Variants in C21orf91 observed in about 807,000 individuals in gnomAD.
C21orf91 encodes the protein chromosome 21 open reading frame 91.
In C21orf91, 26 loss-of-function variants were observed where a neutral mutation model predicts 32.9. The ratio of observed to expected loss-of-function variants is 0.79; its 90% CI spans 0.58 to 1.10. The LOEUF is 1.10. Ranked by LOEUF, C21orf91 falls within the 50% of genes least tolerant of loss-of-function variation. The pLI is 0.00. For synonymous variants in C21orf91, 126 were observed against 120.4 expected, an observed-to-expected ratio of 1.05 and a Z score of -0.31; for missense variants, 310 against 341.3, an observed-to-expected ratio of 0.91 and a Z score of 0.72.
chr21:17,803,304 T>G (rs1211219903), intron 2 of C21orf91, among the ~76,000 whole-genome samples: 4 of 152,326 alleles, frequency 2.6e-5, no homozygotes, highest in Non-Finnish European at 2.9e-5. Flanking sequence ...GTGGACTGCC[T>G]GACCCCAGGA....
chr21:17,793,630 C>T (rs1259164950), intron 4 of C21orf91, 49 bp from the exon 5 acceptor site: 13 of 1,242,314 alleles, frequency 1.0e-5, no homozygotes, highest in Non-Finnish European at 1.4e-5. Context: ...AAAGCCGGTG[C>T]TATGATTTAT....
chr21:17,806,871 C>CA (rs1170122507), intron 2 of C21orf91, among the ~76,000 whole-genome samples: 77 of 142,810 alleles, frequency 5.4e-4, no homozygotes, highest in African/African-American at 1.5e-3. Context: ...GCACTCCATC[C>CA]AAAAAAAAAA....
At chr21:17,808,597 C>T (rs2036669663) in intron 2 of C21orf91, among the ~76,000 whole-genome samples, 1 of 152,166 alleles carries the variant, frequency 6.6e-6, no homozygotes, top group South Asian at 2.1e-4. Flanking sequence ...GGCACATAAC[C>T]CCAGTTTGTG....
At chr21:17,804,130 C>A (rs2146254964) in intron 2 of C21orf91, among the ~76,000 whole-genome samples, 1 of 152,248 alleles carries the variant, frequency 6.6e-6, no homozygotes, top group South Asian at 2.1e-4. Flanking sequence ...ATTTTGTGCT[C>A]AATTCGACTA....
At position 17,792,725 on chromosome 21, in the gene C21orf91, T is replaced by C. The variant is rs1393142547; in HGVS notation, c.*690A>G. 6.6e-6 allele frequency: 1 copy of C among 152,574 alleles called. No individual in the cohort carries two copies. The highest frequency in any genetic ancestry group is 1.5e-5 in the Non-Finnish European group (1 of 67,994). The allele number at this position is 152,574 out of a possible 1,614,324, so 9.5% of individuals were successfully genotyped here. On this transcript the variant is annotated 3_prime_UTR_variant, in exon 5 of 5. Coordinates refer to ENST00000284881, the MANE Select transcript of C21orf91 (RefSeq NM_001100420.2). ...TTTTGTTAGAAAACAAAATAATGTA[T>C]TGTATTTACCTGAATACTGCTTTAA...
At chr21:17,814,495 T>C (rs766406975) in intron 2 of C21orf91, among the ~76,000 whole-genome samples, 30 of 152,160 alleles carry the variant, frequency 2.0e-4, no homozygotes, top group Non-Finnish European at 4.1e-4. Context: ...GGGTAATTTA[T>C]AAAGAAAAGG....
rs544882053 is a variant in C21orf91, at chr21:17,801,492, G to A, written c.128-4374C>T. On this transcript the variant is annotated intron_variant, in intron 2 of 4. Transcript: ENST00000284881. ...TCACCGTGTTAGCCAGGATGGTCTC[G>A]ATCTCCTGACCTTGTGATCCGCCCG... Among the ~76,000 whole-genome samples, 7 of 152,086 alleles carry A rather than the reference G, an allele frequency of 4.6e-5. No individual in the cohort carries two copies. The East Asian group carries it at 1.4e-3, about 29-fold the overall frequency.
chr21:17,810,259 C>A (rs938343901), intron 2 of C21orf91, among the ~76,000 whole-genome samples: 4 of 152,170 alleles, frequency 2.6e-5, no homozygotes, highest in Non-Finnish European at 5.9e-5. Context: ...AAATCACCTT[C>A]CAACCTCTAA....
intron 2 of C21orf91, among the ~76,000 whole-genome samples, chr21:17,810,257 T>A (rs1272761295): frequency 6.6e-6 from 1 of 152,220 alleles, no homozygotes; most frequent in Non-Finnish European, 1.5e-5. Flanking sequence ...CAAAATCACC[T>A]TCCAACCTCT....
chr21:17,817,986 CT>C, intron 2 of C21orf91: 4 of 387,148 alleles, frequency 1.0e-5, no homozygotes, highest in Non-Finnish European at 1.8e-5. Context: ...TTGCAGGGGT[CT>C]TTAAAAAAAA....
intron 2 of C21orf91, among the ~76,000 whole-genome samples, chr21:17,811,756 A>C (rs1223684634): frequency 6.6e-6 from 1 of 152,166 alleles, no homozygotes; most frequent in Non-Finnish European, 1.5e-5. Context: ...TATGACTCTG[A>C]AACAGAAAGT....
chr21:17,800,637 C>T (rs1291494255), intron 2 of C21orf91, among the ~76,000 whole-genome samples: 1 of 152,168 alleles, frequency 6.6e-6, no homozygotes, highest in Non-Finnish European at 1.5e-5. Context: ...AATCTAAATG[C>T]AACACAATCA....
intron 2 of C21orf91, among the ~76,000 whole-genome samples, chr21:17,802,170 T>G (rs2062566260): frequency 6.6e-6 from 1 of 152,234 alleles, no homozygotes; most frequent in Admixed American, 6.5e-5. Flanking sequence ...TCATTACTCT[T>G]ATTTTTTTGA....
intron 2 of C21orf91, among the ~76,000 whole-genome samples, chr21:17,799,444 C>T (rs2824497): frequency 0.022 from 3,277 of 152,276 alleles, 102 homozygotes; most frequent in African/African-American, 0.068. Context: ...CAACTAACTG[C>T]TCAAGGAAGA....
rs1378122206 is a variant in C21orf91, at chr21:17,789,388, G to C, written c.*4027C>G. ...TTCTAGATGCGTCTGAAAGAAACAA[G>C]GTACACACACTTACTAAAATTCCCC... On this transcript the variant is annotated 3_prime_UTR_variant, in exon 5 of 5. Coordinates refer to ENST00000284881, the MANE Select transcript of C21orf91 (RefSeq NM_001100420.2). 6.6e-6 allele frequency: 1 copy of C among 151,964 alleles called. No individual in the cohort carries two copies. Among genetic ancestry groups the C allele is most frequent in the East Asian group, 1.9e-4 (1 of 5,196 alleles). 9.4% of individuals were successfully genotyped at this position (151,964 alleles called of 1,614,324 possible).
intron 3 of C21orf91, among the ~76,000 whole-genome samples, chr21:17,795,615 C>T (rs2062511599): frequency 6.6e-6 from 1 of 152,056 alleles, no homozygotes. Context: ...GAGCTGGAAT[C>T]ATAGGCGTGT....
chr21:17,795,273 G>A lies in C21orf91; in HGVS notation c.665-3C>T, dbSNP rs2062509343. 1 of 1,597,676 alleles carries A rather than the reference G, an allele frequency of 6.3e-7. No homozygotes were observed. Among genetic ancestry groups the A allele is most frequent in the Non-Finnish European group, 8.6e-7 (1 of 1,165,712 alleles). On this transcript the variant is annotated splice_region_variant and splice_polypyrimidine_tract_variant and intron_variant, in intron 3 of 4. Transcript: ENST00000284881. ...CTCACCAAGAGTCATCGAATTCACT[G>A]AAACATGAAAATGTATTCACTATTA...
chr21:17,804,713 G>A (rs554313829), intron 2 of C21orf91, among the ~76,000 whole-genome samples: 2 of 152,310 alleles, frequency 1.3e-5, no homozygotes, highest in African/African-American at 4.8e-5. Context: ...GTGTGCTAAG[G>A]ATTAAAACAG....
At chr21:17,805,156 T>A (rs1302507845) in intron 2 of C21orf91, among the ~76,000 whole-genome samples, 1 of 152,238 alleles carries the variant, frequency 6.6e-6, no homozygotes, top group Non-Finnish European at 1.5e-5. Context: ...CTAGTCTGAC[T>A]GAAGAACTAA....
Sources: gnomAD v4.1 joint callset for allele counts (sites outside exome capture counted in the v4.1 genomes callset) on GRCh38, gnomAD v4.1.1 for gene constraint, MANE v1.5 for transcripts, NCBI Gene and HGNC (gene_info 2026-07-23, HGNC 2026-07-21) for gene names.